PID1: variants seen among roughly 807,000 people sequenced by gnomAD.
PID1 encodes the protein phosphotyrosine interaction domain containing 1.
Under a neutral mutation model 19.1 loss-of-function variants are expected in PID1, and 10 were observed. The ratio of observed to expected loss-of-function variants is 0.52; its 90% CI spans 0.32 to 0.89. The LOEUF (loss-of-function observed/expected upper bound fraction) is 0.89, where lower values mean the gene tolerates loss of function less well. PID1 is among the 40% of genes least tolerant of loss of function. PID1 has a pLI of 0.03. For synonymous variants in PID1, 130 were observed against 116.0 expected, an observed-to-expected ratio of 1.12 and a Z score of -0.78; for missense variants, 248 against 285.3, an observed-to-expected ratio of 0.87 and a Z score of 0.94.
At chr2:229,034,751 T>TTG (rs200549132) in intron 2 of PID1, among the ~76,000 whole-genome samples, 49 of 151,030 alleles carry the variant, frequency 3.2e-4, no homozygotes, top group African/African-American at 1.2e-3. Flanking sequence ...GTCTCCTTTA[T>TTG]TGTGTATATA....
chr2:229,169,387 A>G (rs1690665388), intron 1 of PID1, among the ~76,000 whole-genome samples: 1 of 152,018 alleles, frequency 6.6e-6, no homozygotes, highest in Admixed American at 6.6e-5. Flanking sequence ...AATTATCTAC[A>G]TTTTTCTTTT....
At chr2:229,187,348 A>T (rs1691154383) in intron 1 of PID1, among the ~76,000 whole-genome samples, 1 of 152,192 alleles carries the variant, frequency 6.6e-6, no homozygotes, top group Admixed American at 6.5e-5. Flanking sequence ...GACATACCCG[A>T]GACTGGGCAA....
chr2:229,031,091 C>T (rs757924983), intron 2 of PID1, among the ~76,000 whole-genome samples: 1 of 151,144 alleles, frequency 6.6e-6, no homozygotes, highest in Non-Finnish European at 1.5e-5. Context: ...TGGCAGACAC[C>T]TGTAGTCCCA....
intron 2 of PID1, among the ~76,000 whole-genome samples, chr2:229,028,933 T>A (rs1385658358): frequency 6.6e-6 from 1 of 152,172 alleles, no homozygotes; most frequent in Non-Finnish European, 1.5e-5. Flanking sequence ...AATAAGCGGC[T>A]CACTCAATTT....
At chr2:229,127,455 C>A (rs1336243069) in intron 2 of PID1, among the ~76,000 whole-genome samples, 1 of 152,118 alleles carries the variant, frequency 6.6e-6, no homozygotes, top group Non-Finnish European at 1.5e-5. Context: ...TTGACTCAAG[C>A]TGTGTAAACT....
At chr2:229,202,178 A>AC (rs2106241483) in intron 1 of PID1, among the ~76,000 whole-genome samples, 1 of 152,180 alleles carries the variant, frequency 6.6e-6, no homozygotes, top group African/African-American at 2.4e-5. Flanking sequence ...AAGAAAAACT[A>AC]CCCACTAATT....
chr2:229,185,640 A>AC (rs1443996476), intron 1 of PID1, among the ~76,000 whole-genome samples: 5 of 150,332 alleles, frequency 3.3e-5, no homozygotes, highest in South Asian at 4.2e-4. Flanking sequence ...GTGCAGGAAA[A>AC]CTCCCCCTCA....
chr2:229,080,154 T>C (rs569494631), intron 2 of PID1, among the ~76,000 whole-genome samples: 8 of 152,350 alleles, frequency 5.3e-5, no homozygotes, highest in African/African-American at 1.7e-4. Context: ...TTGTCTTCCA[T>C]GGTTCATGTG....
chr2:229,160,365 G>A (rs12612579), intron 1 of PID1, among the ~76,000 whole-genome samples: 4 of 144,276 alleles, frequency 2.8e-5, no homozygotes, highest in African/African-American at 5.0e-5. Flanking sequence ...AACAGAAAAA[G>A]AAAAAAGAAA....
chr2:229,153,107 T>A (rs1690291131), intron 2 of PID1, among the ~76,000 whole-genome samples: 1 of 152,118 alleles, frequency 6.6e-6, no homozygotes, highest in Non-Finnish European at 1.5e-5. Flanking sequence ...CAGAAAAAAT[T>A]GGGGAAGATC....
chr2:229,087,325 C>G (rs1574618046), intron 2 of PID1, among the ~76,000 whole-genome samples: 2 of 152,240 alleles, frequency 1.3e-5, no homozygotes, highest in East Asian at 3.9e-4. Flanking sequence ...TTCAATAAAA[C>G]AAACCAGACA....
rs765746020 is a variant in PID1 at position 229,065,729 on chromosome 2, A to AAAAAAAAAAAAAAAAAAAAAAG, written c.178-39622_178-39621insCTTTTTTTTTTTTTTTTTTTTT. The stretch of plus-strand genomic sequence containing the variant: ...GTGATTTACAAAAAAAAAAAAAAAA[A>AAAAAAAAAAAAAAAAAAAAAAG]AAACAGGTTGAAATTCAGAGATTTA... On this transcript the variant is annotated intron_variant, in intron 2 of 2. Coordinates refer to ENST00000392055, the MANE Select transcript of PID1 (RefSeq NM_001100818.2). Among the ~76,000 whole-genome samples the AAAAAAAAAAAAAAAAAAAAAAG allele has an allele frequency of 6.0e-4, 84 of 140,652 alleles. 2 individuals are homozygous for AAAAAAAAAAAAAAAAAAAAAAG. Among genetic ancestry groups the AAAAAAAAAAAAAAAAAAAAAAG allele is most frequent in the African/African-American group, 2.1e-3 (76 of 35,754 alleles). The allele number at this position is 140,652 out of a possible 152,430, so 92.3% of individuals were successfully genotyped here.
intron 1 of PID1, among the ~76,000 whole-genome samples, chr2:229,215,279 C>T (rs887633439): frequency 1.2e-4 from 19 of 152,318 alleles, no homozygotes; most frequent in East Asian, 5.8e-4. Flanking sequence ...TATTGAAAAT[C>T]GGTACTTTCT....
intron 2 of PID1, among the ~76,000 whole-genome samples, chr2:229,114,830 G>A (rs556117509): frequency 6.6e-6 from 1 of 152,274 alleles, no homozygotes; most frequent in South Asian, 2.1e-4. Flanking sequence ...GTCTTATGAA[G>A]CTCTAGAAAT....
intron 1 of PID1, among the ~76,000 whole-genome samples, chr2:229,189,322 G>T (rs1013314536): frequency 2.0e-5 from 3 of 152,156 alleles, no homozygotes; most frequent in Non-Finnish European, 2.9e-5. Flanking sequence ...AGGTCCATTA[G>T]ATCACGCAAG....
intron 2 of PID1, among the ~76,000 whole-genome samples, chr2:229,026,485 T>C (rs1173423312): frequency 6.6e-6 from 1 of 152,164 alleles, no homozygotes; most frequent in African/African-American, 2.4e-5. Context: ...ACACACAGAA[T>C]TGAATAATAG....
chr2:229,150,769 T>C (rs913393051), intron 2 of PID1, among the ~76,000 whole-genome samples: 18 of 152,210 alleles, frequency 1.2e-4, no homozygotes, highest in African/African-American at 4.1e-4. Flanking sequence ...CACGGCCATA[T>C]AGGAACTCGG....
chr2:229,224,370 C>CA (rs1692034196), intron 1 of PID1, among the ~76,000 whole-genome samples: 1 of 152,184 alleles, frequency 6.6e-6, no homozygotes. Context: ...TGAGCCCCTA[C>CA]ACTGCAACTG....
At chr2:229,229,740 T>C (rs144459307) in intron 1 of PID1, among the ~76,000 whole-genome samples, 21 of 152,360 alleles carry the variant, frequency 1.4e-4, no homozygotes, top group African/African-American at 4.3e-4. Context: ...ATGTCAGAAA[T>C]CCACAGGCTT....
Sources: gnomAD v4.1 joint callset for allele counts (sites outside exome capture counted in the v4.1 genomes callset) on GRCh38, gnomAD v4.1.1 for gene constraint, MANE v1.5 for transcripts, NCBI Gene and HGNC (gene_info 2026-07-23, HGNC 2026-07-21) for gene names.